Variants in KCNQ3 observed in about 807,000 individuals in gnomAD.
KCNQ3 encodes the protein potassium voltage-gated channel subfamily Q member 3, also known as potassium voltage-gated channel subfamily KQT member 3.
A neutral mutation model predicts 92.5 loss-of-function variants in KCNQ3; 30 were observed. The observed-to-expected ratio is 0.32, with a 90% CI of 0.24 to 0.44. KCNQ3 has a LOEUF of 0.44. Among genes scored for constraint, KCNQ3 ranks in the 20% least tolerant of loss-of-function variants. The pLI is 1.00. For missense variants in KCNQ3, 913 were observed against 1,140.3 expected (o/e 0.80, Z 2.87); for synonymous variants, 450 against 468.8 (o/e 0.96, Z 0.52).
chr8:132,446,864 A>G (rs2673574), intron 1 of KCNQ3, among the ~76,000 whole-genome samples: 142,878 of 152,278 alleles, frequency 0.94, 67,061 homozygotes, highest in African/African-American at 0.95. Context: ...TTAATAGAAA[A>G]CAATAAAAAA....
chr8:132,432,445 A>G (rs1296413517), intron 1 of KCNQ3, among the ~76,000 whole-genome samples: 1 of 152,204 alleles, frequency 6.6e-6, no homozygotes, highest in Admixed American at 6.5e-5. Context: ...ACAATCAAAA[A>G]TGTATTAAAT....
intron 1 of KCNQ3, among the ~76,000 whole-genome samples, chr8:132,303,666 G>GTGTGTGTGTT (rs1429849335): frequency 1.0e-4 from 1 of 9,612 alleles, no homozygotes; most frequent in Non-Finnish European, 1.5e-4. Flanking sequence ...TGGTGTGTGT[G>GTGTGTGTGTT]TATATATATA....
chr8:132,237,085 T>A (rs934623458), intron 1 of KCNQ3, among the ~76,000 whole-genome samples: 3 of 152,332 alleles, frequency 2.0e-5, no homozygotes, highest in Admixed American at 2.0e-4. Context: ...AATCTAGCAA[T>A]GTTATCCCCA....
At chr8:132,242,722 G>T (rs1221352928) in intron 1 of KCNQ3, among the ~76,000 whole-genome samples, 1 of 152,128 alleles carries the variant, frequency 6.6e-6, no homozygotes, top group African/African-American at 2.4e-5. Flanking sequence ...AATATTTATC[G>T]AATGAATGAA....
At chr8:132,321,808 A>G (rs1817900629) in intron 1 of KCNQ3, among the ~76,000 whole-genome samples, 1 of 152,102 alleles carries the variant, frequency 6.6e-6, no homozygotes, top group Non-Finnish European at 1.5e-5. Flanking sequence ...CCTCTACACC[A>G]GTGCACCTGG....
At chr8:132,185,339 G>T (rs950269317) in intron 2 of KCNQ3, among the ~76,000 whole-genome samples, 9 of 152,384 alleles carry the variant, frequency 5.9e-5, no homozygotes, top group Non-Finnish European at 1.0e-4. Context: ...TTGCCCTGAA[G>T]AGGCAGGACT....
intron 1 of KCNQ3, among the ~76,000 whole-genome samples, chr8:132,283,513 G>A (rs1055768157): frequency 5.3e-5 from 8 of 152,214 alleles, no homozygotes; most frequent in Admixed American, 5.2e-4. Flanking sequence ...TGCTGGCAGA[G>A]ATTCCAGTGC....
chr8:132,167,828 C>A (rs974193644), intron 8 of KCNQ3, among the ~76,000 whole-genome samples: 1 of 152,194 alleles, frequency 6.6e-6, no homozygotes, highest in African/African-American at 2.4e-5. Flanking sequence ...TTGCCAACAC[C>A]TTGGGATGCA....
At chr8:132,366,580 G>T (rs1819329132) in intron 1 of KCNQ3, among the ~76,000 whole-genome samples, 1 of 151,936 alleles carries the variant, frequency 6.6e-6, no homozygotes, top group African/African-American at 2.4e-5. Context: ...TGTTTTCTCA[G>T]TAAGCATGAT....
chr8:132,416,712 G>C (rs1404040963), intron 1 of KCNQ3, among the ~76,000 whole-genome samples: 1 of 152,194 alleles, frequency 6.6e-6, no homozygotes, highest in South Asian at 2.1e-4. Context: ...CCACAGAGAG[G>C]AATTAGATAC....
rs142082768 is a variant in KCNQ3, at chr8:132,129,934, C to T, written c.1947G>A (p.Arg649=). The T allele has an allele frequency of 3.0e-5, 49 of 1,614,178 alleles. No homozygotes were observed. In the African/African-American group the frequency reaches 5.7e-4, roughly 19 times the overall value. The part of the protein sequence containing the change: ...LVDMHMQHME[R]LQVQVTEYYP... ...AATACTCCGTGACCTGCACCTGCAA[C>T]CGTTCCATGTGTTGCATGTGCATAT... is the stretch of plus-strand genomic sequence containing the variant. Residue 649 remains arginine, a synonymous_variant, in exon 15 of 15, where the codon CGG becomes CGA. Coordinates refer to ENST00000388996, the MANE Select transcript of KCNQ3 (RefSeq NM_004519.4). This position sits in a 1 kb window ranked among gnomAD's most constrained non-coding sequence, Gnocchi z 5.9.
intron 1 of KCNQ3, among the ~76,000 whole-genome samples, chr8:132,266,517 T>A (rs551056229): frequency 6.6e-6 from 1 of 152,300 alleles, no homozygotes; most frequent in Non-Finnish European, 1.5e-5. Flanking sequence ...ATACTGCTAA[T>A]CCCAGCCTGC....
At chr8:132,364,718 T>TGGAG (rs1300804244) in intron 1 of KCNQ3, among the ~76,000 whole-genome samples, 1 of 151,414 alleles carries the variant, frequency 6.6e-6, no homozygotes, top group South Asian at 2.1e-4. Context: ...GATGGATGGA[T>TGGAG]GGACGATGAA....
chr8:132,394,595 G>GT (rs540456673), intron 1 of KCNQ3, among the ~76,000 whole-genome samples: 19 of 152,220 alleles, frequency 1.2e-4, no homozygotes, highest in African/African-American at 4.3e-4. Flanking sequence ...GAAACCTTTG[G>GT]TATTCAGAGA....
At chr8:132,395,853 G>T (rs981480249) in intron 1 of KCNQ3, among the ~76,000 whole-genome samples, 1 of 152,220 alleles carries the variant, frequency 6.6e-6, no homozygotes, top group Non-Finnish European at 1.5e-5. Context: ...CAGCAAAGAG[G>T]AGGAATGGAC....
chr8:132,359,234 C>T (rs978865283), intron 1 of KCNQ3, among the ~76,000 whole-genome samples: 3 of 152,190 alleles, frequency 2.0e-5, no homozygotes, highest in African/African-American at 7.2e-5. Context: ...AATCCTCACT[C>T]AGTTTAAATC....
chr8:132,313,511 G>A (rs969239646), intron 1 of KCNQ3, among the ~76,000 whole-genome samples: 3 of 151,860 alleles, frequency 2.0e-5, no homozygotes, highest in African/African-American at 7.3e-5. Flanking sequence ...ATGCTACAAG[G>A]GTTTAGAGTC....
At chr8:132,376,786 A>G (rs987324749) in intron 1 of KCNQ3, among the ~76,000 whole-genome samples, 1 of 152,186 alleles carries the variant, frequency 6.6e-6, no homozygotes, top group African/African-American at 2.4e-5. Flanking sequence ...CATTTCATTA[A>G]GAAATTAGAG....
At chr8:132,362,882 C>T (rs1819208737) in intron 1 of KCNQ3, among the ~76,000 whole-genome samples, 3 of 152,018 alleles carry the variant, frequency 2.0e-5, no homozygotes, top group South Asian at 2.1e-4. Context: ...TGTAATGGGG[C>T]GAGGGCGGCG....
Sources: allele counts gnomAD v4.1 joint callset (sites outside exome capture counted in the v4.1 genomes callset), GRCh38; gene constraint gnomAD v4.1.1; non-coding constraint Gnocchi (gnomAD v3.1); transcripts MANE v1.5; gene names NCBI Gene and HGNC (gene_info 2026-07-23, HGNC 2026-07-21).